Variants in ATP9B observed in about 807,000 individuals in gnomAD.
ATP9B encodes the protein probable phospholipid-transporting ATPase IIB.
In ATP9B, 110 loss-of-function variants were observed where a neutral mutation model predicts 146.1. The observed-to-expected ratio is 0.75, with a 90% CI of 0.65 to 0.88. The LOEUF (loss-of-function observed/expected upper bound fraction) is 0.88. Ranked by LOEUF, ATP9B falls within the 40% of genes least tolerant of loss-of-function variation. The pLI, the probability that ATP9B is intolerant of heterozygous loss-of-function variation, is 0.00. For synonymous variants in ATP9B, 604 were observed against 569.7 expected (o/e 1.06, Z -0.86); for missense variants, 1,499 against 1,496.4 (o/e 1.00, Z -0.03).
At chr18:79,303,487 T>C in intron 13 of ATP9B, 117 bp from the exon 14 acceptor site, 1 of 687,086 alleles carries the variant, frequency 1.5e-6, no homozygotes, top group Non-Finnish European at 2.6e-6. Context: ...TATTATACAG[T>C]TGGGCATCCC....
At chr18:79,205,997 G>C (rs1303370762) in intron 9 of ATP9B, among the ~76,000 whole-genome samples, 1 of 151,394 alleles carries the variant, frequency 6.6e-6, no homozygotes, top group African/African-American at 2.4e-5. Context: ...CTGGAGTGAA[G>C]TGGCGTGATC....
intron 17 of ATP9B, among the ~76,000 whole-genome samples, chr18:79,333,970 A>G (rs2096805511): frequency 6.6e-6 from 1 of 152,222 alleles, no homozygotes; most frequent in African/African-American, 2.4e-5. Context: ...AGTCTTAAGC[A>G]GCGAATCTTT....
intron 26 of ATP9B, chr18:79,362,642 C>G (rs150905764): frequency 2.0e-5 from 3 of 152,350 alleles, no homozygotes; most frequent in East Asian, 3.9e-4. Flanking sequence ...TGGTGTGTAA[C>G]CGCTTAGGGA....
At chr18:79,306,794 G>A (rs61450405) in intron 14 of ATP9B, among the ~76,000 whole-genome samples, 192 bp from the exon 15 acceptor site, 6,916 of 152,096 alleles carry the variant, frequency 0.045, 545 homozygotes, top group African/African-American at 0.16. Flanking sequence ...TGGATATATC[G>A]AAGTGCTTCA....
At chr18:79,203,410 G>T (rs191951403) in intron 9 of ATP9B, among the ~76,000 whole-genome samples, 1 of 152,348 alleles carries the variant, frequency 6.6e-6, no homozygotes, top group African/African-American at 2.4e-5. Context: ...GGAGGAGCAA[G>T]TACCTGATGC....
At chr18:79,334,335 T>C (rs1356065382) in intron 17 of ATP9B, among the ~76,000 whole-genome samples, 1 of 151,908 alleles carries the variant, frequency 6.6e-6, no homozygotes, top group Non-Finnish European at 1.5e-5. Context: ...CCAGCCTGGG[T>C]GACAGAGCAA....
chr18:79,220,668 G>A (rs2095668710), intron 11 of ATP9B, among the ~76,000 whole-genome samples: 1 of 152,156 alleles, frequency 6.6e-6, no homozygotes, highest in Non-Finnish European at 1.5e-5. Context: ...AAGGCAAATT[G>A]AGCATCATTT....
chr18:79,336,759 T>TA (rs2096829373), intron 18 of ATP9B, 48 bp downstream of exon 18: 7 of 1,565,610 alleles, frequency 4.5e-6, no homozygotes, highest in Non-Finnish European at 6.1e-6. Context: ...TTTCCTTCCT[T>TA]ACGCTGAAAT....
At chr18:79,089,985 CTT>C (rs1386685115) in intron 1 of ATP9B, among the ~76,000 whole-genome samples, 1 of 152,142 alleles carries the variant, frequency 6.6e-6, no homozygotes, top group Non-Finnish European at 1.5e-5. Context: ...AAGTCCAACT[CTT>C]TTTTAAGCTC....
intron 7 of ATP9B, among the ~76,000 whole-genome samples, chr18:79,164,931 G>A (rs2094942194): frequency 6.6e-6 from 1 of 152,172 alleles, no homozygotes; most frequent in Non-Finnish European, 1.5e-5. Context: ...TATTATGGAT[G>A]TGGATTTGCA....
intron 1 of ATP9B, among the ~76,000 whole-genome samples, chr18:79,083,936 C>A (rs1411424592): frequency 6.7e-6 from 1 of 150,038 alleles, no homozygotes; most frequent in East Asian, 2.0e-4. Context: ...CATCTTGGCT[C>A]ACTGCAGCCT....
chr18:79,251,328 C>T (rs896325717), intron 11 of ATP9B, among the ~76,000 whole-genome samples: 4 of 152,202 alleles, frequency 2.6e-5, no homozygotes, highest in African/African-American at 7.2e-5. Context: ...TGTGAAAGGC[C>T]ATGAAGTATT....
In ATP9B at chr18:79,307,171, C is replaced by T. The variant is rs34339254; in HGVS notation, c.1710C>T (p.Phe570=). The T allele has an allele frequency of 4.3e-3, 6,959 of 1,614,182 alleles. 253 individuals carry two copies. In the African/African-American group the frequency reaches 0.079, roughly 18 times the overall value. Residue 570 remains phenylalanine, a synonymous_variant, in exon 15 of 30, where the codon TTC becomes TTT. Transcript: ENST00000426216. ...CCGGCGTTACTGAGGAGACTGAGTTCGCAGAGGCTGACCAAGACTTCAGTG... is the reference window on the plus strand; with the variant it reads ...CCGGCGTTACTGAGGAGACTGAGTTTGCAGAGGCTGACCAAGACTTCAGTG... The part of the protein sequence containing the change: ...SRAGVTEETE[F]AEADQDFSDE...
At chr18:79,106,086 C>T (rs2075632189) in intron 2 of ATP9B, among the ~76,000 whole-genome samples, 2 of 152,082 alleles carry the variant, frequency 1.3e-5, no homozygotes, top group Non-Finnish European at 2.9e-5. Flanking sequence ...AGCTACTAAT[C>T]CTAAAACATT....
At chr18:79,285,012 G>T (rs2096421185) in intron 13 of ATP9B, among the ~76,000 whole-genome samples, 1 of 151,878 alleles carries the variant, frequency 6.6e-6, no homozygotes. Flanking sequence ...TCTTAATCCA[G>T]TCTATCATTG....
intron 4 of ATP9B, among the ~76,000 whole-genome samples, chr18:79,114,152 G>A (rs762650354): frequency 6.6e-5 from 10 of 151,998 alleles, no homozygotes; most frequent in Admixed American, 3.9e-4. Context: ...TAGAGACGGC[G>A]TTTCACCATG....
intron 2 of ATP9B, among the ~76,000 whole-genome samples, chr18:79,099,756 C>T (rs2075115943): frequency 1.3e-5 from 2 of 151,962 alleles, no homozygotes; most frequent in Non-Finnish European, 2.9e-5. Flanking sequence ...GTCACCATGC[C>T]CAACCTGTTT....
chr18:79,137,379 G>A (rs908751330), intron 5 of ATP9B, among the ~76,000 whole-genome samples: 3 of 152,120 alleles, frequency 2.0e-5, no homozygotes, highest in Admixed American at 1.3e-4. Context: ...TTGGGTGGTG[G>A]ATATTTTTAT....
chr18:79,129,274 TC>T (rs1296583586), intron 5 of ATP9B, among the ~76,000 whole-genome samples: 1 of 152,050 alleles, frequency 6.6e-6, no homozygotes, highest in African/African-American at 2.4e-5. Context: ...ATTCAAAAAT[TC>T]CCCTGTGTAT....
Sources: gnomAD v4.1 joint callset for allele counts (sites outside exome capture counted in the v4.1 genomes callset) on GRCh38, gnomAD v4.1.1 for gene constraint, MANE v1.5 for transcripts, NCBI Gene and HGNC (gene_info 2026-07-23, HGNC 2026-07-21) for gene names.